The following HACE1 variants were observed in gnomAD, a reference collection of about 807,000 sequenced individuals.
HACE1 encodes the protein HECT domain and ankyrin repeat containing E3 ubiquitin protein ligase 1, also known as E3 ubiquitin-protein ligase HACE1.
HACE1 carries 73 observed loss-of-function variants against 118.4 expected under a neutral mutation model. That is an observed-to-expected ratio of 0.62 (90% CI 0.51 to 0.75). The LOEUF is 0.75. Among genes scored for constraint, HACE1 ranks in the 30% least tolerant of loss-of-function variants. The pLI, the probability that HACE1 is intolerant of heterozygous loss-of-function variation, is 0.00. For missense variants in HACE1, 749 were observed against 1,102.2 expected, an observed-to-expected ratio of 0.68 and a Z score of 4.54; for synonymous variants, 368 against 374.8, an observed-to-expected ratio of 0.98 and a Z score of 0.21.
At chr6:104,743,396 G>GA (rs1192263657) in intron 22 of HACE1, among the ~76,000 whole-genome samples, 24 of 151,662 alleles carry the variant, frequency 1.6e-4, no homozygotes, top group Non-Finnish European at 2.6e-4. Flanking sequence ...AAACATAGAA[G>GA]AAAATATATT....
At chr6:104,730,721 A>G (rs1488019028) in intron 22 of HACE1, 4 of 342,880 alleles carry the variant, frequency 1.2e-5, no homozygotes, top group African/African-American at 6.3e-5. Flanking sequence ...GTGGCTCTCT[A>G]TTGAAGTGGG....
rs768724960 is a variant in HACE1, at chr6:104,795,673, G to C, written c.829C>G (p.Leu277Val). The C allele has an allele frequency of 6.2e-7, 1 of 1,608,246 alleles. No individual in the cohort carries two copies. The highest frequency in any genetic ancestry group is 8.5e-7 in the Non-Finnish European group (1 of 1,174,864). Residue 277 changes from leucine (L) to valine (V), a missense_variant, in exon 10 of 24, where the codon CTG becomes GTG. Physicochemically the swap from Leu to Val is conservative, Grantham distance 32 (BLOSUM62 1). Coordinates refer to ENST00000262903, the MANE Select transcript of HACE1 (RefSeq NM_020771.4). Reference protein sequence around the residue: ...DLRENMLRQVLEHLSQQSESQ... With the variant: ...DLRENMLRQVVEHLSQQSESQ... ...TCACTTTGCTGAGACAAATGCTCCA[G>C]AACTTGCCGTAACTAAATTTTTTAC...
intron 19 of HACE1, among the ~76,000 whole-genome samples, chr6:104,751,563 G>T (rs978468737): frequency 6.6e-6 from 1 of 152,070 alleles, no homozygotes; most frequent in African/African-American, 2.4e-5. Flanking sequence ...CCAGGAGTTC[G>T]AGTCTGCAGT....
intron 19 of HACE1, among the ~76,000 whole-genome samples, chr6:104,753,356 C>T (rs966499021): frequency 6.6e-6 from 1 of 152,176 alleles, no homozygotes; most frequent in South Asian, 2.1e-4. Flanking sequence ...GTAGGGTCCC[C>T]TTCAACACAG....
intron 22 of HACE1, among the ~76,000 whole-genome samples, chr6:104,742,942 G>T (rs1562270680): frequency 6.6e-6 from 1 of 152,022 alleles, no homozygotes; most frequent in East Asian, 1.9e-4. Flanking sequence ...ACTGGATTAA[G>T]AAAATGTGGC....
intron 22 of HACE1, among the ~76,000 whole-genome samples, chr6:104,743,793 CCTTA>C (rs369924901): frequency 3.3e-5 from 5 of 151,168 alleles, no homozygotes; most frequent in Non-Finnish European, 5.9e-5. Context: ...AACTGAATTG[CCTTA>C]CTATTAAACC....
intron 20 of HACE1, 94 bp downstream of exon 20, chr6:104,750,247 C>T: frequency 9.7e-7 from 1 of 1,030,232 alleles, no homozygotes; most frequent in South Asian, 1.4e-5. Flanking sequence ...TACATTATTT[C>T]ATTCATCATA....
intron 7 of HACE1, among the ~76,000 whole-genome samples, chr6:104,810,291 G>C (rs528440534): frequency 5.3e-5 from 8 of 151,976 alleles, no homozygotes; most frequent in African/African-American, 1.9e-4. Context: ...TTCTAATACA[G>C]GGTTGTTAAA....
chr6:104,856,146 A>T (rs1776693444), intron 1 of HACE1, among the ~76,000 whole-genome samples: 1 of 152,186 alleles, frequency 6.6e-6, no homozygotes, highest in African/African-American at 2.4e-5. Context: ...ATATAATTAA[A>T]GTCTCCAGGG....
intron 22 of HACE1, among the ~76,000 whole-genome samples, chr6:104,737,476 G>C (rs570075144): frequency 2.6e-5 from 4 of 152,052 alleles, no homozygotes; most frequent in African/African-American, 4.8e-5. Context: ...TGTGCGCACC[G>C]TGCGCGAGCC....
intron 4 of HACE1, among the ~76,000 whole-genome samples, chr6:104,843,894 G>T (rs1345071434): frequency 3.3e-5 from 5 of 150,480 alleles, no homozygotes; most frequent in Admixed American, 3.3e-4. Context: ...TTGAGACAGA[G>T]TCTTGCCAGG....
At chr6:104,793,367 C>T (rs1451778647) in intron 10 of HACE1, among the ~76,000 whole-genome samples, 1 of 151,876 alleles carries the variant, frequency 6.6e-6, no homozygotes, top group Non-Finnish European at 1.5e-5. Context: ...CAGTGTCTTA[C>T]TTAGCATATA....
intron 1 of HACE1, among the ~76,000 whole-genome samples, chr6:104,856,849 C>T (rs1222250789): frequency 6.6e-6 from 1 of 152,120 alleles, no homozygotes; most frequent in Non-Finnish European, 1.5e-5. Flanking sequence ...ACTCAACTAC[C>T]TGCACTCCAT....
At chr6:104,809,888 TA>T (rs749444888) in intron 7 of HACE1, among the ~76,000 whole-genome samples, 1 of 151,472 alleles carries the variant, frequency 6.6e-6, no homozygotes, top group Non-Finnish European at 1.5e-5. Context: ...GAGAGAGAAA[TA>T]AAAAATAACC....
At chr6:104,857,238 T>C (rs576159655) in intron 1 of HACE1, among the ~76,000 whole-genome samples, 1 of 149,524 alleles carries the variant, frequency 6.7e-6, no homozygotes, top group Non-Finnish European at 1.5e-5. Flanking sequence ...TATGATATAC[T>C]TTAAAGAGCC....
intron 20 of HACE1, among the ~76,000 whole-genome samples, chr6:104,750,084 G>C (rs9499946): frequency 0.22 from 34,184 of 151,958 alleles, 4,962 homozygotes; most frequent in African/African-American, 0.42. Context: ...CCATATAGAA[G>C]AAACAGGAAT....
intron 22 of HACE1, among the ~76,000 whole-genome samples, chr6:104,737,471 G>A (rs184666515): frequency 1.4e-4 from 21 of 152,134 alleles, no homozygotes; most frequent in Non-Finnish European, 2.5e-4. Flanking sequence ...GTGGGTGTGC[G>A]CACCGTGCGC....
rs574835177 is a variant in HACE1, at chr6:104,787,229, A to G, written c.1075-1910T>C. On this transcript the variant is annotated intron_variant, in intron 11 of 23. Transcript: ENST00000262903. ...GCACTAGGTAGTCGGGTTAAGTACA[A>G]TGTTTCCTTTTTTAAGAGAAATTAT... is the stretch of plus-strand genomic sequence containing the variant. 3.3e-5 allele frequency: 5 copies of G among 152,160 alleles called. 1 individual carries two copies. The South Asian group carries it at 8.3e-4, about 25-fold the overall frequency. 9.4% of individuals were successfully genotyped at this position (152,160 alleles called of 1,614,324 possible).
At chr6:104,859,267 T>G in intron 1 of HACE1, 1 of 369,112 alleles carries the variant, frequency 2.7e-6, no homozygotes, top group Non-Finnish European at 4.9e-6. Flanking sequence ...CTCCGGCTGG[T>G]ATTCCTGCCC....
Sources: gnomAD v4.1 joint callset for allele counts (sites outside exome capture counted in the v4.1 genomes callset) on GRCh38, gnomAD v4.1.1 for gene constraint, MANE v1.5 for transcripts, NCBI Gene and HGNC (gene_info 2026-07-23, HGNC 2026-07-21) for gene names.